Variants in GAS7 observed in about 807,000 individuals in gnomAD.
GAS7 encodes the protein growth arrest-specific protein 7.
A neutral mutation model predicts 71.1 loss-of-function variants in GAS7; 28 were observed. The observed-to-expected ratio is 0.39, with a 90% CI of 0.29 to 0.54. The LOEUF (loss-of-function observed/expected upper bound fraction) is 0.54. Among genes scored for constraint, GAS7 ranks in the 20% least tolerant of loss-of-function variants. The pLI is 0.62. For missense variants in GAS7, 436 were observed against 627.8 expected (o/e 0.69, Z 3.27); for synonymous variants, 258 against 245.8 (o/e 1.05, Z -0.46).
intron 5 of GAS7, among the ~76,000 whole-genome samples, chr17:9,956,433 C>T (rs2069239676): frequency 6.6e-6 from 1 of 152,168 alleles, no homozygotes; most frequent in Non-Finnish European, 1.5e-5. Context: ...TCCCCAAATT[C>T]CTCTTTCCAG....
chr17:10,151,383 T>A (rs2074165555), intron 1 of GAS7, among the ~76,000 whole-genome samples: 1 of 152,172 alleles, frequency 6.6e-6, no homozygotes, highest in South Asian at 2.1e-4. Flanking sequence ...TGAAGCCTCT[T>A]TTAAGTATTG....
At chr17:10,066,497 TTTG>T (rs2073282488) in intron 1 of GAS7, among the ~76,000 whole-genome samples, 1 of 152,070 alleles carries the variant, frequency 6.6e-6, no homozygotes, top group African/African-American at 2.4e-5. Context: ...ACTACTTTTT[TTTG>T]TTTTGTTTTT....
In GAS7 at chr17:10,046,692, C is replaced by T. The variant is rs180746589; in HGVS notation, c.184-26795G>A. Among the ~76,000 whole-genome samples the T allele has an allele frequency of 2.3e-3, 331 of 145,732 alleles. 2 individuals are homozygous for T. Among genetic ancestry groups the T allele is most frequent in the African/African-American group, 7.4e-3 (284 of 38,526 alleles). On this transcript the variant is annotated intron_variant, in intron 1 of 13. Transcript: ENST00000432992. Reference sequence around the variant, plus strand: ...CGGAGGTTGCAGTGAGCCGAGATCACGCCACTGCACTCCAGCCTGGGTGAC... The same window carrying T: ...CGGAGGTTGCAGTGAGCCGAGATCATGCCACTGCACTCCAGCCTGGGTGAC...
In GAS7 at chr17:10,005,076, T is replaced by C. The variant is rs1224327882; in HGVS notation, c.304+14701A>G. Among the ~76,000 whole-genome samples the C allele has an allele frequency of 6.6e-3, 883 of 134,492 alleles. 3 individuals carry two copies. The highest frequency in any genetic ancestry group is 0.046 in the South Asian group (205 of 4,502). The allele number at this position is 134,492 out of a possible 152,430, so 88.2% of individuals were successfully genotyped here. A position where few individuals can be genotyped will look rare whatever the true frequency, so the allele number is the denominator to read the frequency against. On this transcript the variant is annotated intron_variant, in intron 2 of 13. Coordinates refer to ENST00000432992, the MANE Select transcript of GAS7 (RefSeq NM_201433.2). Reference sequence around the variant, plus strand: ...ACACATATATGTGTGTATGCACGCATACATGCGTGTGTGCACGCATACATG... The same window carrying C: ...ACACATATATGTGTGTATGCACGCACACATGCGTGTGTGCACGCATACATG...
intron 1 of GAS7, among the ~76,000 whole-genome samples, chr17:10,197,064 A>G (rs1361811933): frequency 6.6e-6 from 1 of 152,172 alleles, no homozygotes; most frequent in Non-Finnish European, 1.5e-5. Context: ...TGGACCTGAA[A>G]GCAATCTAAT....
At chr17:10,191,874 CAAAAA>C (rs11303007) in intron 1 of GAS7, among the ~76,000 whole-genome samples, 10 of 110,400 alleles carry the variant, frequency 9.1e-5, no homozygotes, top group African/African-American at 2.0e-4. Context: ...GACTCCATCT[CAAAAA>C]AAAAAAAAAA....
intron 1 of GAS7, among the ~76,000 whole-genome samples, chr17:10,138,522 TG>T (rs1387398142): frequency 6.6e-6 from 1 of 152,038 alleles, no homozygotes; most frequent in African/African-American, 2.4e-5. Flanking sequence ...ACCAGCACTT[TG>T]GGAAGCCGAG....
At chr17:10,123,260 G>A (rs537970035) in intron 1 of GAS7, among the ~76,000 whole-genome samples, 1 of 152,310 alleles carries the variant, frequency 6.6e-6, no homozygotes, top group East Asian at 1.9e-4. Context: ...TTAAAACACA[G>A]ACAGCTGGGC....
Position 10,059,630 on chromosome 17 carries a change from G to C in GAS7, c.184-39733C>G, listed in dbSNP as rs547877870. 2.9e-5 allele frequency: 27 copies of C among 935,468 alleles called. No homozygotes were observed. In the South Asian group the frequency reaches 7.4e-4, roughly 26 times the overall value. 57.9% of individuals were successfully genotyped at this position (935,468 alleles called of 1,614,324 possible). A position where few individuals can be genotyped will look rare whatever the true frequency, so the allele number is the denominator to read the frequency against. On this transcript the variant is annotated intron_variant, in intron 1 of 13. Transcript: ENST00000432992. ...GTGGCGGCTGCCTCGCACTCAACCT[G>C]GTCCAATTAGCTTCGAGCATCTGCA...
At chr17:10,156,070 C>G (rs991895234) in intron 1 of GAS7, among the ~76,000 whole-genome samples, 2 of 152,208 alleles carry the variant, frequency 1.3e-5, no homozygotes, top group Admixed American at 1.3e-4. Context: ...TCTCTAACTC[C>G]GACCTAGCTT....
intron 1 of GAS7, among the ~76,000 whole-genome samples, chr17:10,021,054 A>G (rs925699985): frequency 1.3e-5 from 2 of 152,234 alleles, no homozygotes; most frequent in Admixed American, 1.3e-4. Flanking sequence ...CAGAAATAAA[A>G]GTTGTTAGCT....
chr17:10,046,921 T>C (rs1402057601), intron 1 of GAS7, among the ~76,000 whole-genome samples: 1 of 126,540 alleles, frequency 7.9e-6, no homozygotes, highest in Non-Finnish European at 1.8e-5. Context: ...CCAAGATGAG[T>C]TGTAAAAGGG....
chr17:9,969,846 C>T lies in GAS7; in HGVS notation c.386-84G>A, dbSNP rs1320180812. ...TTTCGTCCACTGCAGCCCCTTTTCCCACCTCCTTCCTTGGCTCTGAGAGGT... is the reference window on the plus strand; with the variant it reads ...TTTCGTCCACTGCAGCCCCTTTTCCTACCTCCTTCCTTGGCTCTGAGAGGT... On this transcript the variant is annotated intron_variant, in intron 3 of 13. Coordinates refer to ENST00000432992, the MANE Select transcript of GAS7 (RefSeq NM_201433.2). The surrounding 1 kb of genome is among the most constrained non-coding windows in gnomAD (Gnocchi z 5.5). The T allele has an allele frequency of 1.2e-5, 10 of 852,538 alleles. No homozygotes were observed. Among genetic ancestry groups the T allele is most frequent in the South Asian group, 9.8e-5 (7 of 71,606 alleles). 52.8% of individuals were successfully genotyped at this position (852,538 alleles called of 1,614,324 possible). A position where few individuals can be genotyped will look rare whatever the true frequency, so the allele number is the denominator to read the frequency against.
At position 9,913,258 on chromosome 17, in the gene GAS7, G is replaced by C. The variant is rs1330983956; in HGVS notation, c.*3970C>G. The C allele has an allele frequency of 2.2e-5, 5 of 232,544 alleles. No individual in the cohort carries two copies. Among genetic ancestry groups the C allele is most frequent in the African/African-American group, 1.1e-4 (5 of 45,290 alleles). The allele number at this position is 232,544 out of a possible 1,614,324, so 14.4% of individuals were successfully genotyped here. On this transcript the variant is annotated 3_prime_UTR_variant, in exon 14 of 14. Transcript: ENST00000432992. ...ATTATGGGGATAAGACGATGTCCAG[G>C]CTACGTGGGGGGGCAGCTGATCTGT... is the stretch of plus-strand genomic sequence containing the variant.
chr17:10,118,122 G>A (rs1187976925), intron 1 of GAS7, among the ~76,000 whole-genome samples: 1 of 152,106 alleles, frequency 6.6e-6, no homozygotes, highest in East Asian at 1.9e-4. Context: ...TCCAGGGCGT[G>A]GAGACAGCCA....
Position 10,026,179 on chromosome 17 carries a change from T to C in GAS7, c.184-6282A>G. ...TCCTAAAGCCGTGAGCAAACGCTAC[T>C]CGCTGGTGTTAATGGGTGGTCGTCA... On this transcript the variant is annotated intron_variant, in intron 1 of 13. Transcript: ENST00000432992. This position sits in a 1 kb window ranked among gnomAD's most constrained non-coding sequence, Gnocchi z 4.5. 1.0e-6 allele frequency: 1 copy of C among 985,394 alleles called. No homozygotes were observed. Among genetic ancestry groups the C allele is most frequent in the Non-Finnish European group, 1.2e-6 (1 of 829,934 alleles). The allele number at this position is 985,394 out of a possible 1,614,324, so 61.0% of individuals were successfully genotyped here. A position where few individuals can be genotyped will look rare whatever the true frequency, so the allele number is the denominator to read the frequency against.
intron 1 of GAS7, among the ~76,000 whole-genome samples, chr17:10,061,637 G>A (rs1435446897): frequency 6.6e-6 from 1 of 152,210 alleles, no homozygotes; most frequent in African/African-American, 2.4e-5. Context: ...ATGCACACAA[G>A]CACCGACAGG....
At chr17:10,059,789 A>G in intron 1 of GAS7, 1 of 985,088 alleles carries the variant, frequency 1.0e-6, no homozygotes, top group Non-Finnish European at 1.2e-6. Context: ...CGGCTAATTC[A>G]CTGTGCAAAG....
chr17:10,076,969 C>T (rs1023045234), intron 1 of GAS7, among the ~76,000 whole-genome samples: 3 of 152,216 alleles, frequency 2.0e-5, no homozygotes, highest in African/African-American at 4.8e-5. Context: ...AAATTGACTG[C>T]CCTTTGCCAT....
Sources: gnomAD v4.1 joint callset for allele counts (sites outside exome capture counted in the v4.1 genomes callset) on GRCh38, gnomAD v4.1.1 for gene constraint, Gnocchi (gnomAD v3.1) non-coding constraint, MANE v1.5 for transcripts, NCBI Gene and HGNC (gene_info 2026-07-23, HGNC 2026-07-21) for gene names.